Variants in ELMO1 observed in about 807,000 individuals in gnomAD.
ELMO1 encodes the protein engulfment and cell motility 1.
In ELMO1, 26 loss-of-function variants were observed where a neutral mutation model predicts 98.9. The ratio of observed to expected loss-of-function variants is 0.26; its 90% CI spans 0.19 to 0.36. The LOEUF (loss-of-function observed/expected upper bound fraction) is 0.36. ELMO1 is among the 10% of genes least tolerant of loss of function. The probability of loss-of-function intolerance (pLI) is 1.00; values close to 1 mark genes in which losing one functional copy is unlikely to be tolerated. For synonymous variants in ELMO1, 346 were observed against 346.0 expected (o/e 1.00, Z 0.00); for missense variants, 627 against 935.2 (o/e 0.67, Z 4.30).
intron 16 of ELMO1, among the ~76,000 whole-genome samples, chr7:36,930,632 T>C (rs1480615572): frequency 6.6e-6 from 1 of 152,246 alleles, no homozygotes; most frequent in Non-Finnish European, 1.5e-5. Flanking sequence ...GATAAAATCA[T>C]CTTCTACAGA....
At chr7:36,902,642 T>C (rs1326238059) in intron 16 of ELMO1, among the ~76,000 whole-genome samples, 1 of 152,196 alleles carries the variant, frequency 6.6e-6, no homozygotes, top group Admixed American at 6.5e-5. Flanking sequence ...ACAACCCAAG[T>C]CTTGTTCTCT....
At chr7:37,295,015 T>A (rs1033152247) in intron 4 of ELMO1, among the ~76,000 whole-genome samples, 7 of 149,992 alleles carry the variant, frequency 4.7e-5, no homozygotes, top group African/African-American at 1.7e-4. Context: ...AAAAAAAAAA[T>A]TCATCTCAAA....
At chr7:37,401,966 C>CAATCA (rs1366671821) in intron 1 of ELMO1, among the ~76,000 whole-genome samples, 1 of 152,210 alleles carries the variant, frequency 6.6e-6, no homozygotes, top group Non-Finnish European at 1.5e-5. Flanking sequence ...CTCCTTTGTC[C>CAATCA]AATCATACAT....
At chr7:37,060,287 C>G (rs548552980) in intron 15 of ELMO1, among the ~76,000 whole-genome samples, 24 of 152,202 alleles carry the variant, frequency 1.6e-4, no homozygotes, top group African/African-American at 5.8e-4. Flanking sequence ...GAATTTTAAA[C>G]GATAGACCAA....
chr7:37,385,378 AGCAG>A (rs1802757324), intron 1 of ELMO1, among the ~76,000 whole-genome samples: 1 of 152,084 alleles, frequency 6.6e-6, no homozygotes, highest in African/African-American at 2.4e-5. Context: ...GCTATTCCCC[AGCAG>A]GCCAAGCACA....
At chr7:36,999,771 TTG>T (rs552713929) in intron 16 of ELMO1, among the ~76,000 whole-genome samples, 28 of 151,386 alleles carry the variant, frequency 1.8e-4, no homozygotes, top group Admixed American at 3.3e-4. Flanking sequence ...CATGTCATCT[TTG>T]TGTGTGTGTG....
intron 4 of ELMO1, among the ~76,000 whole-genome samples, chr7:37,304,814 CA>C: frequency 6.6e-6 from 1 of 151,996 alleles, no homozygotes; most frequent in East Asian, 1.9e-4. Context: ...TCCTGTTTTC[CA>C]AAATTGCTGC....
chr7:36,966,582 C>A (rs927036535), intron 16 of ELMO1, among the ~76,000 whole-genome samples: 4 of 152,168 alleles, frequency 2.6e-5, no homozygotes, highest in African/African-American at 7.2e-5. Context: ...TACAACTTTA[C>A]GTGTAAGTGA....
At chr7:37,120,306 G>A (rs544893740) in intron 14 of ELMO1, among the ~76,000 whole-genome samples, 19 of 152,346 alleles carry the variant, frequency 1.2e-4, no homozygotes, top group South Asian at 4.1e-4. Context: ...CGCACCAAGC[G>A]TGACCCGAAG....
chr7:37,143,837 A>G (rs1787803938), intron 13 of ELMO1, among the ~76,000 whole-genome samples: 1 of 150,948 alleles, frequency 6.6e-6, no homozygotes, highest in Non-Finnish European at 1.5e-5. Context: ...CAGCCTCCCA[A>G]GTAGCTGGGA....
At chr7:37,069,200 C>T (rs1036714985) in intron 15 of ELMO1, among the ~76,000 whole-genome samples, 1 of 152,036 alleles carries the variant, frequency 6.6e-6, no homozygotes, top group African/African-American at 2.4e-5. Flanking sequence ...GGCCAGTAAG[C>T]CCCTCCCCAC....
chr7:37,346,101 A>G (rs1045916973), intron 1 of ELMO1, among the ~76,000 whole-genome samples: 9 of 152,136 alleles, frequency 5.9e-5, no homozygotes, highest in Non-Finnish European at 1.2e-4. Context: ...CCAAGGCAGG[A>G]GCATGCCTGT....
At chr7:37,211,768 C>T (rs1217979235) in intron 12 of ELMO1, among the ~76,000 whole-genome samples, 2 of 152,194 alleles carry the variant, frequency 1.3e-5, no homozygotes, top group Non-Finnish European at 2.9e-5. Context: ...ATCTGGAGCA[C>T]GAATATTGAT....
chr7:37,321,737 A>C lies in ELMO1; in HGVS notation c.79-5777T>G, dbSNP rs867229903. 7.5e-4 allele frequency among the ~76,000 whole-genome samples: 108 copies of C among 143,286 alleles called. No homozygotes were observed. The East Asian group carries it at 0.014, about 18-fold the overall frequency. 94.0% of individuals were successfully genotyped at this position (143,286 alleles called of 152,430 possible). A position where few individuals can be genotyped will look rare whatever the true frequency, so the allele number is the denominator to read the frequency against. On this transcript the variant is annotated intron_variant, in intron 2 of 21. Coordinates refer to ENST00000310758, the MANE Select transcript of ELMO1 (RefSeq NM_014800.11). ...GTCTCAAAAAAAAAAAAAAAAAAAAAACACAGAAAAGAAAAAAGAAAAGCC... is the reference window on the plus strand; with the variant it reads ...GTCTCAAAAAAAAAAAAAAAAAAAACACACAGAAAAGAAAAAAGAAAAGCC...
At chr7:37,156,465 T>A (rs1029544174) in intron 13 of ELMO1, among the ~76,000 whole-genome samples, 16 of 151,824 alleles carry the variant, frequency 1.1e-4, no homozygotes, top group African/African-American at 3.9e-4. Context: ...ATCAAGTAGA[T>A]GCAATAAAAA....
intron 16 of ELMO1, among the ~76,000 whole-genome samples, chr7:36,934,874 A>T (rs367736505): frequency 3.9e-5 from 6 of 152,190 alleles, no homozygotes; most frequent in African/African-American, 1.2e-4. Context: ...AAGCCGAGGA[A>T]GCTTGTTCTT....
intron 13 of ELMO1, among the ~76,000 whole-genome samples, chr7:37,158,805 T>C (rs1788983967): frequency 6.6e-6 from 1 of 152,214 alleles, no homozygotes; most frequent in South Asian, 2.1e-4. Context: ...CATTACTGGG[T>C]ATATACCCAA....
rs117994897 is a variant in ELMO1, at chr7:37,375,815, G to A, written c.-73-33052C>T. On this transcript the variant is annotated intron_variant, in intron 1 of 21. Coordinates refer to ENST00000310758, the MANE Select transcript of ELMO1 (RefSeq NM_014800.11). ...GTGCCTGCCACTGTACACTGCAGCC[G>A]TCCAGAGACTGGCAGGCCTCGGCCT... The A allele has an allele frequency of 1.8e-3, 1,469 of 838,490 alleles. 22 individuals are homozygous for A. The East Asian group carries it at 0.034, about 20-fold the overall frequency. 51.9% of individuals were successfully genotyped at this position (838,490 alleles called of 1,614,324 possible). A position where few individuals can be genotyped will look rare whatever the true frequency, so the allele number is the denominator to read the frequency against.
At chr7:37,005,261 G>A (rs1212673363) in intron 16 of ELMO1, among the ~76,000 whole-genome samples, 1 of 152,028 alleles carries the variant, frequency 6.6e-6, no homozygotes, top group African/African-American at 2.4e-5. Context: ...TAGAGGGTTG[G>A]GAGATGCAGG....
Sources: gnomAD v4.1 joint callset for allele counts (sites outside exome capture counted in the v4.1 genomes callset) on GRCh38, gnomAD v4.1.1 for gene constraint, MANE v1.5 for transcripts, NCBI Gene and HGNC (gene_info 2026-07-23, HGNC 2026-07-21) for gene names.